PIN4: variants seen among roughly 807,000 people sequenced by gnomAD.
PIN4 encodes peptidyl-prolyl cis-trans isomerase NIMA-interacting 4.
PIN4 carries 3 observed loss-of-function variants against 8.3 expected under a neutral mutation model. The ratio of observed to expected loss-of-function variants is 0.36; its 90% CI spans 0.16 to 0.93. The LOEUF (loss-of-function observed/expected upper bound fraction) is 0.93. Ranked by LOEUF, PIN4 falls within the 40% of genes least tolerant of loss-of-function variation. PIN4 has a pLI of 0.44. For missense variants in PIN4, 75 were observed against 100.6 expected, an observed-to-expected ratio of 0.75 and a Z score of 1.09; for synonymous variants, 18 against 32.5, an observed-to-expected ratio of 0.55 and a Z score of 1.52.
intron 3 of PIN4, among the ~76,000 whole-genome samples, chrX:72,219,619 G>A (rs939482260): frequency 6.4e-5 from 7 of 110,088 alleles, no homozygotes; most frequent in Admixed American, 1.9e-4. Context: ...AGGCCAAGGC[G>A]GGCAGATCAC....
At chrX:72,195,692 G>A (rs1282165825) in intron 2 of PIN4, among the ~76,000 whole-genome samples, 1 of 111,355 alleles carries the variant, frequency 9.0e-6, no homozygotes, top group African/African-American at 3.3e-5. Context: ...TCCTCACTCT[G>A]ATGAAATAAT....
chrX:72,188,806 A>G (rs1309961175), intron 2 of PIN4, among the ~76,000 whole-genome samples: 1 of 112,073 alleles, frequency 8.9e-6, no homozygotes, highest in Admixed American at 9.5e-5. Flanking sequence ...TTATAGGGGC[A>G]TGAGCCACCA....
intron 3 of PIN4, among the ~76,000 whole-genome samples, chrX:72,258,747 T>C (rs1243420223): frequency 1.8e-5 from 2 of 111,231 alleles, no homozygotes; most frequent in African/African-American, 6.5e-5. Flanking sequence ...CGAAGAAGGA[T>C]GTAAATGATA....
intron 3 of PIN4, chrX:72,205,290 C>T: frequency 4.1e-6 from 5 of 1,212,013 alleles, no homozygotes; most frequent in Non-Finnish European, 5.6e-6. Flanking sequence ...ACGTCATTAA[C>T]CAGCTGGACT....
At chrX:72,263,027 AATTTGTTC>A (rs368197858) in exon 4 of PIN4, 118 of 314,856 alleles carry the variant, frequency 3.7e-4, no homozygotes, top group African/African-American at 3.0e-3. Context: ...GTACCTCATT[AATTTGTTC>A]ATTTGTTCAG....
At chrX:72,263,823 G>A (rs894409792) in exon 4 of PIN4, 3 of 111,615 alleles carry the variant, frequency 2.7e-5, no homozygotes, top group African/African-American at 9.8e-5. Context: ...TCTCATACCA[G>A]CTGGAACCAG....
intron 3 of PIN4, chrX:72,238,700 A>T: frequency 4.0e-6 from 2 of 504,603 alleles, no homozygotes; most frequent in Non-Finnish European, 6.5e-6. Flanking sequence ...GCTGACTCCC[A>T]CACCCTACTG....
intron 3 of PIN4, among the ~76,000 whole-genome samples, chrX:72,230,480 T>C (rs2042977216): frequency 8.9e-6 from 1 of 111,998 alleles, no homozygotes; most frequent in Non-Finnish European, 1.9e-5. Context: ...ATACTCTTAG[T>C]CTGTAAGAGA....
intron 3 of PIN4, among the ~76,000 whole-genome samples, chrX:72,242,644 A>G (rs976951407): frequency 8.9e-6 from 1 of 112,688 alleles, no homozygotes; most frequent in Non-Finnish European, 1.9e-5. Flanking sequence ...TCGATTAATT[A>G]TCTGCTGTTC....
intron 3 of PIN4, among the ~76,000 whole-genome samples, chrX:72,203,592 CCCA>C (rs1389380814): frequency 4.1e-4 from 46 of 111,598 alleles, no homozygotes; most frequent in African/African-American, 1.4e-3. Flanking sequence ...GTGGAAAACC[CCCA>C]CATTTGGTGT....
At chrX:72,225,241 C>G (rs1047650569) in intron 3 of PIN4, among the ~76,000 whole-genome samples, 1 of 111,986 alleles carries the variant, frequency 8.9e-6, no homozygotes, top group Non-Finnish European at 1.9e-5. Flanking sequence ...ATAGGCTACT[C>G]CCAACAACTT....
chrX:72,182,018 T>C, intron 1 of PIN4, 190 bp downstream of exon 1: 1 of 453,052 alleles, frequency 2.2e-6, no homozygotes, highest in Non-Finnish European at 4.0e-6. Context: ...TAATGGAATC[T>C]GATGGGGATA....
chrX:72,238,948 T>TTTGGAGCTTGGAGCTTGGAGCTTGGAGC, intron 3 of PIN4: 7 of 1,114,452 alleles, frequency 6.3e-6, no homozygotes, highest in Non-Finnish European at 3.6e-6. Flanking sequence ...CCGGCGGGAG[T>TTTGGAGCTTGGAGCTTGGAGCTTGGAGC]TTGGAGCTTG....
intron 3 of PIN4, among the ~76,000 whole-genome samples, chrX:72,250,458 C>T (rs896768917): frequency 9.0e-6 from 1 of 110,598 alleles, no homozygotes; most frequent in Non-Finnish European, 1.9e-5. Context: ...CCAAGAACTT[C>T]CTTAGATTTG....
intron 3 of PIN4, among the ~76,000 whole-genome samples, chrX:72,222,595 CTTTT>C (rs758259884): frequency 2.4e-5 from 2 of 85,053 alleles, no homozygotes; most frequent in Non-Finnish European, 2.3e-5. Context: ...AGAATCCAGC[CTTTT>C]TTTTTTTTTT....
At chrX:72,226,464 C>G (rs903791683) in intron 3 of PIN4, among the ~76,000 whole-genome samples, 1 of 112,222 alleles carries the variant, frequency 8.9e-6, no homozygotes. Flanking sequence ...AACATATACA[C>G]CGATTCTAAA....
chrX:72,257,115 T>C (rs1445096087), intron 3 of PIN4, among the ~76,000 whole-genome samples: 2 of 110,944 alleles, frequency 1.8e-5, no homozygotes, highest in Non-Finnish European at 3.8e-5. Flanking sequence ...GGTCAGGAGA[T>C]CGAGACCATC....
At chrX:72,188,185 C>T (rs1330526327) in intron 2 of PIN4, among the ~76,000 whole-genome samples, 3 of 111,993 alleles carry the variant, frequency 2.7e-5, no homozygotes, top group Non-Finnish European at 5.6e-5. Context: ...CGGAGTACAG[C>T]GTTCCTGGCT....
chrX:72,195,247 G>A (rs2042758436), intron 2 of PIN4, among the ~76,000 whole-genome samples: 2 of 112,005 alleles, frequency 1.8e-5, no homozygotes, highest in South Asian at 7.3e-4. Context: ...GGTCAAATTT[G>A]AATACTTCAG....
Sources: allele counts gnomAD v4.1 joint callset (sites outside exome capture counted in the v4.1 genomes callset), GRCh38; gene constraint gnomAD v4.1.1; transcripts MANE v1.5; gene names NCBI Gene and HGNC (gene_info 2026-07-23, HGNC 2026-07-21).